PTPRE: variants seen among roughly 807,000 people sequenced by gnomAD.
The protein encoded by PTPRE is receptor-type tyrosine-protein phosphatase epsilon.
A neutral mutation model predicts 102.0 loss-of-function variants in PTPRE; 51 were observed. The ratio of observed to expected loss-of-function variants is 0.50; its 90% CI spans 0.40 to 0.63. The LOEUF (loss-of-function observed/expected upper bound fraction) is 0.63, where lower values mean the gene tolerates loss of function less well. PTPRE is among the 30% of genes least tolerant of loss of function. The probability of loss-of-function intolerance (pLI) is 0.00; values close to 1 mark genes in which losing one functional copy is unlikely to be tolerated. For synonymous variants in PTPRE, 345 were observed against 348.2 expected (o/e 0.99, Z 0.10); for missense variants, 752 against 915.1 (o/e 0.82, Z 2.30).
chr10:127,946,225 G>A (rs1403347823), intron 1 of PTPRE, among the ~76,000 whole-genome samples: 2 of 152,154 alleles, frequency 1.3e-5, no homozygotes, highest in African/African-American at 4.8e-5. Flanking sequence ...CAGGGCCCAA[G>A]TACAAAGAGA....
chr10:127,993,767 T>TGG (rs1852940507), intron 2 of PTPRE, among the ~76,000 whole-genome samples: 1 of 85,732 alleles, frequency 1.2e-5, no homozygotes, highest in South Asian at 3.8e-4. Context: ...TCTTTCATAG[T>TGG]GGTGTGTGTG....
chr10:128,022,274 T>A (rs1055356692), intron 2 of PTPRE, among the ~76,000 whole-genome samples: 1 of 152,016 alleles, frequency 6.6e-6, no homozygotes, highest in Non-Finnish European at 1.5e-5. Flanking sequence ...TGAGAACCAC[T>A]CAGACAGGAC....
At chr10:127,959,263 G>A (rs1305234288) in intron 1 of PTPRE, among the ~76,000 whole-genome samples, 1 of 152,112 alleles carries the variant, frequency 6.6e-6, no homozygotes, top group Non-Finnish European at 1.5e-5. Context: ...TGAGGGGAGT[G>A]GAGAAAAACA....
chr10:127,943,708 A>C (rs1194015514), intron 1 of PTPRE, among the ~76,000 whole-genome samples: 1 of 152,168 alleles, frequency 6.6e-6, no homozygotes, highest in Non-Finnish European at 1.5e-5. Flanking sequence ...CAGCCACTTT[A>C]TTCTGCAGTT....
At chr10:128,037,446 T>A (rs1847309890) in intron 2 of PTPRE, among the ~76,000 whole-genome samples, 1 of 152,182 alleles carries the variant, frequency 6.6e-6, no homozygotes. Context: ...CTCCAGAGCA[T>A]GGGAGTGGGG....
At chr10:127,960,760 A>C (rs1849735643) in intron 1 of PTPRE, among the ~76,000 whole-genome samples, 1 of 152,110 alleles carries the variant, frequency 6.6e-6, no homozygotes, top group Admixed American at 6.5e-5. Flanking sequence ...GCGGTGGCTC[A>C]CGCCTGTAAT....
At chr10:128,040,823 G>T in intron 2 of PTPRE, 52 bp from the exon 3 acceptor site, 1 of 1,447,088 alleles carries the variant, frequency 6.9e-7, no homozygotes, top group Admixed American at 1.7e-5. Context: ...GCACCGGAGG[G>T]TCCCACAGCT....
chr10:127,989,856 A>G (rs531620962), intron 2 of PTPRE, among the ~76,000 whole-genome samples: 2 of 152,286 alleles, frequency 1.3e-5, no homozygotes, highest in East Asian at 3.9e-4. Flanking sequence ...CTGCTGACCA[A>G]ATCCAGCTTT....
intron 2 of PTPRE, among the ~76,000 whole-genome samples, chr10:127,994,328 A>G (rs767749769): frequency 6.6e-6 from 1 of 152,250 alleles, no homozygotes; most frequent in East Asian, 1.9e-4. Flanking sequence ...TGCCCACTCT[A>G]TCTGATGTTA....
intron 1 of PTPRE, chr10:127,929,461 A>T (rs185993937): frequency 1.3e-5 from 2 of 152,348 alleles, no homozygotes; most frequent in East Asian, 3.9e-4. Context: ...ACAGATATTT[A>T]TCAAGTCTCT....
chr10:128,065,697 G>A lies in PTPRE; in HGVS notation c.724-378G>A, dbSNP rs182142063. Among the ~76,000 whole-genome samples, 904 of 152,304 alleles carry A rather than the reference G, an allele frequency of 5.9e-3. 10 individuals carry two copies. Among genetic ancestry groups the A allele is most frequent in the Middle Eastern group, 0.017 (5 of 294 alleles). On this transcript the variant is annotated intron_variant, in intron 10 of 20. Transcript: ENST00000254667. The stretch of plus-strand genomic sequence containing the variant: ...ATCCAGTGGGAAATGTCTGGGGGGA[G>A]CACCGTCCTTGCCCTCTAGCCTGAG...
intron 2 of PTPRE, among the ~76,000 whole-genome samples, chr10:128,021,380 A>G (rs1845868916): frequency 6.6e-6 from 1 of 152,100 alleles, no homozygotes; most frequent in Non-Finnish European, 1.5e-5. Context: ...CCTCCTTAGC[A>G]CTGAGCAAAC....
intron 2 of PTPRE, among the ~76,000 whole-genome samples, chr10:127,994,806 C>T (rs1853084960): frequency 6.6e-6 from 1 of 152,148 alleles, no homozygotes; most frequent in Non-Finnish European, 1.5e-5. Context: ...GAGCCTCATT[C>T]CAGGTCTGCA....
chr10:128,058,634 G>A (rs993477985), intron 7 of PTPRE, among the ~76,000 whole-genome samples: 1 of 152,192 alleles, frequency 6.6e-6, no homozygotes, highest in Non-Finnish European at 1.5e-5. Flanking sequence ...AGGGACATTG[G>A]GCAGGGAGCT....
chr10:128,043,564 T>A (rs1252687156), intron 3 of PTPRE, among the ~76,000 whole-genome samples: 3 of 152,226 alleles, frequency 2.0e-5, no homozygotes, highest in African/African-American at 7.2e-5. Context: ...CCGCTGTGGA[T>A]GAATGTAGAA....
chr10:128,021,312 C>A (rs1262512174), intron 2 of PTPRE, among the ~76,000 whole-genome samples: 2 of 152,242 alleles, frequency 1.3e-5, no homozygotes, highest in Non-Finnish European at 2.9e-5. Context: ...GCCACACAGG[C>A]CTCTGAAGGG....
chr10:128,026,168 C>T (rs1442510366), intron 2 of PTPRE, among the ~76,000 whole-genome samples: 1 of 152,206 alleles, frequency 6.6e-6, no homozygotes, highest in East Asian at 1.9e-4. Flanking sequence ...GAACACAGCA[C>T]TTCCTCCCTC....
intron 1 of PTPRE, among the ~76,000 whole-genome samples, chr10:127,941,038 G>A (rs1848208269): frequency 6.6e-6 from 1 of 152,206 alleles, no homozygotes; most frequent in Admixed American, 6.5e-5. Flanking sequence ...AAGCTGGCAG[G>A]GCAGGGTCTT....
intron 2 of PTPRE, among the ~76,000 whole-genome samples, chr10:127,983,001 GTGT>G (rs1851767257): frequency 6.6e-6 from 1 of 152,206 alleles, no homozygotes; most frequent in Admixed American, 6.5e-5. Flanking sequence ...GGACTTCTGG[GTGT>G]GCTTGCTTTT....
Sources: allele counts gnomAD v4.1 joint callset (sites outside exome capture counted in the v4.1 genomes callset), GRCh38; gene constraint gnomAD v4.1.1; transcripts MANE v1.5; gene names NCBI Gene and HGNC (gene_info 2026-07-23, HGNC 2026-07-21).